Variants in ADSL observed in about 807,000 individuals in gnomAD.
ADSL encodes adenylosuccinase.
ADSL carries 44 observed loss-of-function variants against 62.1 expected under a neutral mutation model. The ratio of observed to expected loss-of-function variants is 0.71; its 90% CI spans 0.56 to 0.91. The LOEUF (loss-of-function observed/expected upper bound fraction) is 0.91, where lower values mean the gene tolerates loss of function less well. ADSL is among the 40% of genes least tolerant of loss of function. The pLI is 0.00. For missense variants in ADSL, 531 were observed against 627.4 expected, an observed-to-expected ratio of 0.85 and a Z score of 1.64; for synonymous variants, 198 against 220.5, an observed-to-expected ratio of 0.90 and a Z score of 0.90.
chr22:40,358,690 A>G (rs936063312), intron 4 of ADSL, among the ~76,000 whole-genome samples, 174 bp from the exon 5 acceptor site: 1 of 152,194 alleles, frequency 6.6e-6, no homozygotes, highest in Admixed American at 6.5e-5. Flanking sequence ...GAATCTCCGT[A>G]ACGATTATTT....
intron 4 of ADSL, among the ~76,000 whole-genome samples, chr22:40,354,890 A>C (rs1009374909): frequency 1.3e-5 from 2 of 152,066 alleles, no homozygotes; most frequent in African/African-American, 2.4e-5. Context: ...AAAAGAAAAA[A>C]ATCTAAATGT....
intron 2 of ADSL, among the ~76,000 whole-genome samples, chr22:40,381,677 G>A (rs2047604351): frequency 6.6e-6 from 1 of 152,134 alleles, no homozygotes; most frequent in African/African-American, 2.4e-5. Flanking sequence ...TCTTGGGGCC[G>A]GGCGTAGTGG....
chr22:40,374,752 C>T (rs775541187), intron 2 of ADSL, among the ~76,000 whole-genome samples: 6 of 152,212 alleles, frequency 3.9e-5, no homozygotes, highest in Non-Finnish European at 7.4e-5. Flanking sequence ...TGGTGATGTG[C>T]GCCTGTGGTC....
At chr22:40,370,250 G>A (rs925026480), downstream of ADSL, among the ~76,000 whole-genome samples, 4 of 151,856 alleles carry the variant, frequency 2.6e-5, no homozygotes, top group Non-Finnish European at 5.9e-5. Flanking sequence ...CAGCTACTCG[G>A]GAGGCTGAGG....
At chr22:40,360,921 G>A (rs1291083850) in intron 7 of ADSL, among the ~76,000 whole-genome samples, 3 of 151,908 alleles carry the variant, frequency 2.0e-5, no homozygotes, top group Admixed American at 6.6e-5. Flanking sequence ...GGCTGGTCTC[G>A]AACTCCTGAC....
chr22:40,364,406 C>T (rs1212106467), intron 11 of ADSL, 41 bp downstream of exon 11: 10 of 1,541,784 alleles, frequency 6.5e-6, no homozygotes, highest in East Asian at 2.3e-5. Context: ...TGAGAGTGCA[C>T]GTTTGGTCCT....
At chr22:40,350,105 G>A (rs2044286956) in intron 2 of ADSL, 70 bp downstream of exon 2, 2 of 1,435,756 alleles carry the variant, frequency 1.4e-6, no homozygotes, top group East Asian at 2.3e-5. Context: ...ATTTGATGTT[G>A]TCCAGTTGAG....
At chr22:40,356,219 G>GA (rs1400047215) in intron 4 of ADSL, among the ~76,000 whole-genome samples, 39 of 149,660 alleles carry the variant, frequency 2.6e-4, no homozygotes, top group African/African-American at 9.1e-4. Flanking sequence ...AAAAAGAAAA[G>GA]AAAGAAAGAA....
chr22:40,384,058 G>A (rs2048027760), intron 2 of ADSL, among the ~76,000 whole-genome samples: 2 of 152,088 alleles, frequency 1.3e-5, no homozygotes, highest in South Asian at 2.1e-4. Flanking sequence ...AGACCTTCCT[G>A]GGCAAGATAG....
intron 3 of ADSL, chr22:40,353,378 C>CA: frequency 1.4e-6 from 1 of 702,532 alleles, no homozygotes; most frequent in Non-Finnish European, 2.6e-6. Flanking sequence ...TTGCAACCTC[C>CA]GCCTCCCAGG....
chr22:40,359,122 G>A (rs1480755420), intron 5 of ADSL, 87 bp downstream of exon 5: 1 of 1,595,186 alleles, frequency 6.3e-7, no homozygotes, highest in Non-Finnish European at 8.6e-7. Context: ...AGGAGAGATT[G>A]ACTGTGGGAT....
chr22:40,354,429 A>G (rs770205061), intron 4 of ADSL, 102 bp downstream of exon 4: 12 of 928,908 alleles, frequency 1.3e-5, no homozygotes, highest in Non-Finnish European at 1.8e-5. Flanking sequence ...ATCTGAAAAC[A>G]TGATTTAAAT....
At chr22:40,378,450 C>T (rs941148630) in intron 2 of ADSL, among the ~76,000 whole-genome samples, 3 of 150,354 alleles carry the variant, frequency 2.0e-5, no homozygotes, top group South Asian at 2.1e-4. Context: ...ATAATATGGC[C>T]GGGCACGGTG....
At chr22:40,352,185 A>G (rs2044371908) in intron 2 of ADSL, 1 of 152,016 alleles carries the variant, frequency 6.6e-6, no homozygotes, top group African/African-American at 2.4e-5. Flanking sequence ...TGTTTCCTAA[A>G]CCTTGATATT....
At chr22:40,358,630 T>C (rs2044656310) in intron 4 of ADSL, among the ~76,000 whole-genome samples, 1 of 152,202 alleles carries the variant, frequency 6.6e-6, no homozygotes. Flanking sequence ...GAAAGTACTA[T>C]GCTAATCGCC....
At chr22:40,362,067 GTCT>G (rs1338964826) in intron 9 of ADSL, among the ~76,000 whole-genome samples, 1 of 152,194 alleles carries the variant, frequency 6.6e-6, no homozygotes, top group Non-Finnish European at 1.5e-5. Flanking sequence ...TTTATGAAAG[GTCT>G]TCTGGGTCTT....
intron 2 of ADSL, among the ~76,000 whole-genome samples, chr22:40,385,757 G>C (rs1304328588): frequency 6.6e-6 from 1 of 152,236 alleles, no homozygotes; most frequent in Non-Finnish European, 1.5e-5. Flanking sequence ...AACTAGAGAT[G>C]AATGAAGGTT....
intron 1 of ADSL, 71 bp downstream of exon 1, chr22:40,346,782 C>A: frequency 6.7e-6 from 10 of 1,498,298 alleles, no homozygotes; most frequent in Non-Finnish European, 9.0e-6. Flanking sequence ...GGGCTCTGTT[C>A]CGGGCTGGGC....
rs1402322930 is a variant in ADSL, at chr22:40,367,823, C to T, written c.*1301C>T. ...ATAAGTTTTCATCTCTAACCTAAAT[C>T]GGCTGAAATGATGTGTCCTAAACTA... On this transcript the variant is annotated 3_prime_UTR_variant, in exon 13 of 13. Transcript: ENST00000623063. 6.6e-5 allele frequency: 10 copies of T among 152,646 alleles called. No individual in the cohort carries two copies. Among genetic ancestry groups the T allele is most frequent in the East Asian group, 5.8e-4 (3 of 5,190 alleles). The allele number at this position is 152,646 out of a possible 1,614,324, so 9.5% of individuals were successfully genotyped here.
Sources: allele counts gnomAD v4.1 joint callset (sites outside exome capture counted in the v4.1 genomes callset), GRCh38; gene constraint gnomAD v4.1.1; transcripts MANE v1.5; gene names NCBI Gene and HGNC (gene_info 2026-07-23, HGNC 2026-07-21).